GPC5: variants seen among roughly 807,000 people sequenced by gnomAD.
The protein encoded by GPC5 is glypican-5.
Under a neutral mutation model 53.9 loss-of-function variants are expected in GPC5, and 47 were observed. The ratio of observed to expected loss-of-function variants is 0.87; its 90% CI spans 0.69 to 1.11. The LOEUF is 1.11. GPC5 is among the 50% of genes most tolerant of loss of function. The pLI, the probability that GPC5 is intolerant of heterozygous loss-of-function variation, is 0.00. For missense variants in GPC5, 748 were observed against 713.1 expected (o/e 1.05, Z -0.56); for synonymous variants, 286 against 263.3 (o/e 1.09, Z -0.84).
intron 2 of GPC5, among the ~76,000 whole-genome samples, chr13:91,511,931 G>T (rs994537636): frequency 2.6e-5 from 4 of 152,014 alleles, no homozygotes; most frequent in African/African-American, 9.7e-5. Context: ...ATATATAAAA[G>T]AATAGGGGAG....
chr13:92,378,570 G>GGAGA (rs2043713491), intron 7 of GPC5, among the ~76,000 whole-genome samples: 1 of 152,128 alleles, frequency 6.6e-6, no homozygotes, highest in Non-Finnish European at 1.5e-5. Context: ...TTGGAGCCAA[G>GGAGA]GAGACCTTTA....
chr13:92,135,624 C>T (rs951015370), intron 6 of GPC5, among the ~76,000 whole-genome samples: 2 of 152,080 alleles, frequency 1.3e-5, no homozygotes, highest in African/African-American at 4.8e-5. Flanking sequence ...GTATTAGAGC[C>T]AAGAGAGTGA....
chr13:92,289,148 G>A (rs1381542946), intron 7 of GPC5, among the ~76,000 whole-genome samples: 1 of 151,334 alleles, frequency 6.6e-6, no homozygotes, highest in Non-Finnish European at 1.5e-5. Flanking sequence ...GAAGCTATCT[G>A]GCCTAAATTA....
intron 1 of GPC5, among the ~76,000 whole-genome samples, chr13:91,408,291 A>G (rs1200804501): frequency 1.3e-5 from 2 of 152,178 alleles, no homozygotes; most frequent in African/African-American, 2.4e-5. Context: ...TAGATTCTAC[A>G]TGAATGAGAT....
At chr13:92,545,418 C>A (rs1333078964) in intron 7 of GPC5, among the ~76,000 whole-genome samples, 1 of 152,106 alleles carries the variant, frequency 6.6e-6, no homozygotes, top group Non-Finnish European at 1.5e-5. Flanking sequence ...GTTTTATAAT[C>A]CTTTGGGTAT....
At chr13:91,735,475 C>A (rs1240005100) in intron 4 of GPC5, among the ~76,000 whole-genome samples, 1 of 150,984 alleles carries the variant, frequency 6.6e-6, no homozygotes, top group African/African-American at 2.5e-5. Context: ...ATTGCTTTTG[C>A]TTTTAAGGAT....
At chr13:91,997,744 T>G (rs1330458368) in intron 6 of GPC5, among the ~76,000 whole-genome samples, 1 of 152,184 alleles carries the variant, frequency 6.6e-6, no homozygotes, top group Non-Finnish European at 1.5e-5. Context: ...GGTCTTGAAC[T>G]CCTGACCTCA....
chr13:91,910,540 C>T (rs1475841784), intron 6 of GPC5, among the ~76,000 whole-genome samples: 9 of 152,182 alleles, frequency 5.9e-5, no homozygotes, highest in Middle Eastern at 3.4e-3. Flanking sequence ...ACCATAGGGA[C>T]GTACCTATAT....
intron 7 of GPC5, among the ~76,000 whole-genome samples, chr13:92,653,611 A>C (rs1368884914): frequency 6.6e-6 from 1 of 152,242 alleles, no homozygotes; most frequent in Non-Finnish European, 1.5e-5. Flanking sequence ...GCAGTTTTCA[A>C]GAATTTCACA....
At chr13:92,535,658 C>A (rs1269825331) in intron 7 of GPC5, among the ~76,000 whole-genome samples, 1 of 130,240 alleles carries the variant, frequency 7.7e-6, no homozygotes, top group Non-Finnish European at 1.6e-5. Context: ...TAGTCCATTT[C>A]TATGTTTATT....
At chr13:92,216,423 G>A (rs2042410607) in intron 7 of GPC5, among the ~76,000 whole-genome samples, 1 of 152,140 alleles carries the variant, frequency 6.6e-6, no homozygotes, top group Non-Finnish European at 1.5e-5. Context: ...ACTAAAGTTA[G>A]GGGTTTATAG....
intron 7 of GPC5, among the ~76,000 whole-genome samples, chr13:92,834,517 T>C (rs944479200): frequency 6.6e-6 from 1 of 152,072 alleles, no homozygotes; most frequent in African/African-American, 2.4e-5. Context: ...TCAAGTACTT[T>C]CCCACAGAGT....
chr13:92,250,925 G>A (rs1210120574), intron 7 of GPC5, among the ~76,000 whole-genome samples: 3 of 152,008 alleles, frequency 2.0e-5, no homozygotes, highest in South Asian at 2.1e-4. Context: ...AAATCTGTTC[G>A]GAAAAAATGG....
chr13:92,801,693 G>A (rs1876914634), intron 7 of GPC5, among the ~76,000 whole-genome samples: 1 of 151,526 alleles, frequency 6.6e-6, no homozygotes, highest in Non-Finnish European at 1.5e-5. Context: ...TGATATTGAT[G>A]ATCCTGATTT....
intron 7 of GPC5, among the ~76,000 whole-genome samples, chr13:92,654,373 A>G (rs1407734718): frequency 6.6e-6 from 1 of 152,212 alleles, no homozygotes; most frequent in Non-Finnish European, 1.5e-5. Flanking sequence ...CCTTATTCAC[A>G]AATTGTTTGA....
chr13:91,451,746 C>A (rs1041681107), intron 2 of GPC5, among the ~76,000 whole-genome samples: 1 of 151,554 alleles, frequency 6.6e-6, no homozygotes, highest in Non-Finnish European at 1.5e-5. Flanking sequence ...GCCTCCCGAG[C>A]AGCTGGGATT....
chr13:92,557,080 G>A (rs566719757), intron 7 of GPC5, among the ~76,000 whole-genome samples: 4 of 149,864 alleles, frequency 2.7e-5, no homozygotes, highest in African/African-American at 4.9e-5. Flanking sequence ...GTCTTAGCAC[G>A]ATTTTAGGAT....
chr13:91,532,697 C>T (rs1351590353), intron 2 of GPC5, among the ~76,000 whole-genome samples: 1 of 152,010 alleles, frequency 6.6e-6, no homozygotes, highest in Non-Finnish European at 1.5e-5. Context: ...GAGATCCTGT[C>T]TCTACTAAAA....
chr13:91,620,444 CA>C (rs1355756511), intron 2 of GPC5, among the ~76,000 whole-genome samples: 1 of 152,098 alleles, frequency 6.6e-6, no homozygotes, highest in Non-Finnish European at 1.5e-5. Flanking sequence ...GATAAAATGA[CA>C]AAAAACTTCT....
Sources: allele counts gnomAD v4.1 joint callset (sites outside exome capture counted in the v4.1 genomes callset), GRCh38; gene constraint gnomAD v4.1.1; transcripts MANE v1.5; gene names NCBI Gene and HGNC (gene_info 2026-07-23, HGNC 2026-07-21).